Variants in LILRB5 observed in about 807,000 individuals in gnomAD.
LILRB5 encodes leukocyte immunoglobulin like receptor B5.
LILRB5 carries 61 observed loss-of-function variants against 68.4 expected under a neutral mutation model. The ratio of observed to expected loss-of-function variants is 0.89; its 90% CI spans 0.73 to 1.10. The LOEUF is 1.10. Among genes scored for constraint, LILRB5 ranks in the 50% least tolerant of loss-of-function variants. LILRB5 has a pLI of 0.00. For synonymous variants in LILRB5, 356 were observed against 315.8 expected, an observed-to-expected ratio of 1.13 and a Z score of -1.35; for missense variants, 771 against 751.6, an observed-to-expected ratio of 1.03 and a Z score of -0.30.
At position 54,252,903 on chromosome 19, in the gene LILRB5, C is replaced by A. The variant is rs376631342; in HGVS notation, c.1442G>T (p.Arg481Leu). 3.8e-5 allele frequency: 60 copies of A among 1,597,664 alleles called. No individual in the cohort carries two copies. The highest frequency in any genetic ancestry group is 1.9e-4 in the South Asian group (17 of 90,916). Residue 481 changes from arginine to leucine, a missense_variant, in exon 9 of 13, where the codon CGA becomes CTA. Physicochemically the swap from Arg to Leu is moderately radical, Grantham distance 102 (BLOSUM62 -2). Coordinates refer to ENST00000449561, the MANE Select transcript of LILRB5 (RefSeq NM_001081442.3). ...LLFLLLFLLL[R>L]HRHQSKHRTS... Reference sequence around the variant, plus strand: ...CCTGTGTTTGCTCTGATGCCGATGTCGGAGGAGGAGGAAGAGGAGGAGGAA... The same window carrying A: ...CCTGTGTTTGCTCTGATGCCGATGTAGGAGGAGGAGGAAGAGGAGGAGGAA...
intron 7 of LILRB5, 71 bp from the exon 8 acceptor site, chr19:54,254,139 A>AG: frequency 1.3e-6 from 2 of 1,547,014 alleles, no homozygotes; most frequent in Non-Finnish European, 1.7e-6. Context: ...CTCCTCCCCC[A>AG]GGCTGGGCCC....
rs888716258 is a variant in LILRB5 at position 54,253,911 on chromosome 19, A to G, written c.1357+107T>C. 6 of 1,542,938 alleles carry G rather than the reference A, an allele frequency of 3.9e-6. No homozygotes were observed. In the African/African-American group the frequency reaches 4.1e-5, roughly 11 times the overall value. ...GGAGAAACTGAGGCCCAGGCAGGGGAAGGGCTTGTGCACTTCACCATCTCC... is the reference window on the plus strand; with the variant it reads ...GGAGAAACTGAGGCCCAGGCAGGGGGAGGGCTTGTGCACTTCACCATCTCC... On this transcript the variant is annotated intron_variant, in intron 8 of 12. Coordinates refer to ENST00000449561, the MANE Select transcript of LILRB5 (RefSeq NM_001081442.3).
In LILRB5 at chr19:54,254,963, G is replaced by A; in HGVS notation, c.1027C>T (p.Leu343=). ...KVASGENVTL[L]CQSWHQIDTF... The stretch of plus-strand genomic sequence containing the variant: ...TCTATCTGATGCCATGACTGACACA[G>A]CAGGGTCACGTTCTCTCCTGAGGCC... The change falls in exon 6 of 13, where the codon CTG becomes TTG. Residue 343 remains leucine (L), a synonymous_variant. Transcript: ENST00000449561. 2 of 1,614,002 alleles carry A rather than the reference G, an allele frequency of 1.2e-6. No homozygotes were observed. Among genetic ancestry groups the A allele is most frequent in the East Asian group, 2.2e-5 (1 of 44,870 alleles).
Position 54,255,532 on chromosome 19 carries a change from G to C in LILRB5, c.706C>G (p.Arg236Gly), listed in dbSNP as rs145597773. 4 of 1,613,938 alleles carry C rather than the reference G, an allele frequency of 2.5e-6. No individual in the cohort carries two copies. The highest frequency in any genetic ancestry group is 3.4e-6 in the Non-Finnish European group (4 of 1,179,924). ...CACTGCAGGGTCAGGCTGCCTCCGC[G>C]GGCCACGACAGAGCCCTGCGGGATC... The part of the protein sequence containing the change: ...LLIPQGSVVA[R>G]GGSLTLQCRS... The change falls in exon 5 of 13, where the codon CGC (arginine) becomes GGC (glycine). Residue 236 changes from arginine to glycine, a missense_variant. Arg to Gly is a moderately radical substitution (Grantham distance 125). Coordinates refer to ENST00000449561, the MANE Select transcript of LILRB5 (RefSeq NM_001081442.3).
At chr19:54,256,424 C>T in intron 3 of LILRB5, 65 bp downstream of exon 3, 1 of 1,597,202 alleles carries the variant, frequency 6.3e-7, no homozygotes, top group Non-Finnish European at 8.5e-7. Context: ...AGGTAGACGT[C>T]CCTAAGAGCC....
At chr19:54,252,205 C>T in intron 11 of LILRB5, 99 bp from the exon 12 acceptor site, 1 of 1,494,568 alleles carries the variant, frequency 6.7e-7, no homozygotes, top group Non-Finnish European at 9.3e-7. Context: ...TGGCTGAGAT[C>T]CAGGGAGGGA....
At chr19:54,251,031 C>T (rs1248133830) in intron 12 of LILRB5, 99 bp from the exon 13 acceptor site, 26 of 1,605,968 alleles carry the variant, frequency 1.6e-5, no homozygotes, top group Non-Finnish European at 2.0e-5. Context: ...ATCTGTCTGT[C>T]CTCTTCTGCC....
intron 2 of LILRB5, 45 bp downstream of exon 2, chr19:54,256,916 C>T: frequency 6.2e-7 from 1 of 1,613,922 alleles, no homozygotes; most frequent in African/African-American, 1.3e-5. Flanking sequence ...GGGCCCTTGT[C>T]CCCAGTGAGA....
chr19:54,252,584 GA>G (rs1223705077), intron 9 of LILRB5, 35 bp from the exon 10 acceptor site: 1 of 1,611,478 alleles, frequency 6.2e-7, no homozygotes. Flanking sequence ...AGGCCTGGGA[GA>G]ATTCGAACCA....
At position 54,252,364 on chromosome 19, in the gene LILRB5, A is replaced by C. The variant is rs754480826; in HGVS notation, c.1576+2T>G. The C allele has an allele frequency of 8.4e-5, 135 of 1,613,770 alleles. 2 individuals carry two copies. The South Asian group carries it at 8.9e-4, about 11-fold the overall frequency. On this transcript the variant is annotated splice_donor_variant, in intron 11 of 12. Coordinates refer to ENST00000449561, the MANE Select transcript of LILRB5 (RefSeq NM_001081442.3). LOFTEE classifies it high-confidence loss of function. ...AGGTGCCCTCCGCTTCTAGTCACTCACTGAGAATTTCCTCCTGGATGTCAG... is the reference window on the plus strand; with the variant it reads ...AGGTGCCCTCCGCTTCTAGTCACTCCCTGAGAATTTCCTCCTGGATGTCAG...
Position 54,255,464 on chromosome 19 carries a change from C to T in LILRB5, c.774G>A (p.Glu258=), listed in dbSNP as rs965217346. The T allele has an allele frequency of 1.2e-6, 2 of 1,614,046 alleles. No individual in the cohort carries two copies. The highest frequency in any genetic ancestry group is 2.7e-5 in the African/African-American group (2 of 74,924). ...VGYDIFVLYK[E]GEHDLVQGSG... is the part of the protein sequence containing the mutation. ...AGCCCTGGACGAGGTCATGTTCCCC[C>T]TCCTTGTACAGAACGAATATGTCAT... Residue 258 remains glutamate (E), a synonymous_variant, in exon 5 of 13, where the codon GAG becomes GAA. Coordinates refer to ENST00000449561, the MANE Select transcript of LILRB5 (RefSeq NM_001081442.3).
At position 54,249,421 on chromosome 19, in the gene LILRB5, T is replaced by C. The variant is rs1183750086; in HGVS notation, c.*1365A>G. The C allele has an allele frequency of 6.6e-6, 1 of 152,084 alleles. No individual in the cohort carries two copies. The highest frequency in any genetic ancestry group is 1.9e-4 in the East Asian group (1 of 5,200). The allele number at this position is 152,084 out of a possible 1,614,324, so 9.4% of individuals were successfully genotyped here. A position where few individuals can be genotyped will look rare whatever the true frequency, so the allele number is the denominator to read the frequency against. On this transcript the variant is annotated 3_prime_UTR_variant, in exon 13 of 13. Transcript: ENST00000449561. ...GCAGAATGAATATTATATAAAATAA[T>C]TAGAAGACATAGAAAAATCAGATTT...
At chr19:54,255,645 G>A (rs963740215) in intron 4 of LILRB5, 63 bp from the exon 5 acceptor site, 15 of 1,493,446 alleles carry the variant, frequency 1.0e-5, no homozygotes, top group Admixed American at 6.1e-5. Context: ...TCCTTCTCCC[G>A]TCCTGGCGTC....
intron 5 of LILRB5, 123 bp from the exon 6 acceptor site, chr19:54,255,160 G>GTC (rs773330833): frequency 4.4e-5 from 63 of 1,441,062 alleles, no homozygotes; most frequent in Admixed American, 2.3e-4. Context: ...CCCATCCCCT[G>GTC]TCTCTGTCTG....
chr19:54,252,136 C>T (rs779362837), intron 11 of LILRB5, 30 bp from the exon 12 acceptor site: 8 of 1,612,090 alleles, frequency 5.0e-6, no homozygotes, highest in Non-Finnish European at 5.9e-6. Context: ...GGTTCATCTC[C>T]TGGGAAGGTT....
intron 12 of LILRB5, chr19:54,251,589 C>T (rs1179404421): frequency 5.4e-5 from 31 of 571,030 alleles, no homozygotes; most frequent in South Asian, 3.4e-4. Context: ...CCTTACAGCA[C>T]GTTGCACTCC....
Position 54,254,384 on chromosome 19 carries a change from T to A in LILRB5, c.1287A>T (p.Thr429=). The A allele has an allele frequency of 1.3e-6, 2 of 1,584,654 alleles. No homozygotes were observed. The highest frequency in any genetic ancestry group is 1.7e-6 in the Non-Finnish European group (2 of 1,165,426). The change falls in exon 7 of 13, where the codon ACA becomes ACT. Residue 429 remains threonine, a synonymous_variant. Transcript: ENST00000449561. The stretch of plus-strand genomic sequence containing the variant: ...ACTCACCAGGTGTGGGGGTGGAGCC[T>A]GTAGGTGAGAGGCTGGGATCCCCAG... The part of the protein sequence containing the change: ...GPSGDPSLSP[T]GSTPTPAGPE...
chr19:54,253,037 C>T, intron 8 of LILRB5, 50 bp from the exon 9 acceptor site: 3 of 1,320,302 alleles, frequency 2.3e-6, no homozygotes, highest in Non-Finnish European at 3.1e-6. Context: ...GATGTGAGCA[C>T]CTTCTGTGTG....
chr19:54,256,722 C>A lies in LILRB5; in HGVS notation c.122G>T (p.Arg41Leu), dbSNP rs769256920. ...LWAEPASVIARGKPVTLWCQG... is the reference protein window; with the variant it reads ...LWAEPASVIALGKPVTLWCQG... The stretch of plus-strand genomic sequence containing the variant: ...ACACCAGAGGGTCACGGGCTTCCCC[C>A]GAGCTATCACAGAGGCTGGCTCAGC... Residue 41 changes from arginine (R) to leucine (L), a missense_variant, in exon 3 of 13, where the codon CGG (arginine) becomes CTG (leucine). Transcript: ENST00000449561. 4 of 1,614,114 alleles carry A rather than the reference C, an allele frequency of 2.5e-6. No individual in the cohort carries two copies. The highest frequency in any genetic ancestry group is 3.4e-6 in the Non-Finnish European group (4 of 1,180,006).
Sources: allele counts gnomAD v4.1 joint callset, GRCh38; gene constraint gnomAD v4.1.1; transcripts MANE v1.5; gene names NCBI Gene and HGNC (gene_info 2026-07-23, HGNC 2026-07-21).